The following SLC36A1 variants were observed in gnomAD, a reference collection of about 807,000 sequenced individuals.
SLC36A1 encodes the protein proton-coupled amino acid transporter 1.
A neutral mutation model predicts 47.5 loss-of-function variants in SLC36A1; 30 were observed. That is an observed-to-expected ratio of 0.63 (90% CI 0.47 to 0.86). SLC36A1 has a LOEUF of 0.86. Among genes scored for constraint, SLC36A1 ranks in the 40% least tolerant of loss-of-function variants. The pLI is 0.00. For synonymous variants in SLC36A1, 255 were observed against 249.7 expected (o/e 1.02, Z -0.20); for missense variants, 517 against 606.0 (o/e 0.85, Z 1.54).
chr5:151,512,640 C>T, the SLC36A1 span: 8 of 1,541,082 alleles, frequency 5.2e-6, no homozygotes, highest in African/African-American at 9.6e-5. The surrounding 1 kb of genome is among the most constrained non-coding windows in gnomAD (Gnocchi z 4.1). Context: ...ATCAGCAAAG[C>T]CAAGGAGTCC....
chr5:151,379,711 A>G, the SLC36A1 span, among the ~76,000 whole-genome samples: 1 of 152,192 alleles, frequency 6.6e-6, no homozygotes, highest in Non-Finnish European at 1.5e-5. Flanking sequence ...ACTTAACACA[A>G]TATACCCCAA....
chr5:151,540,454 T>C, the SLC36A1 span: 2 of 712,208 alleles, frequency 2.8e-6, no homozygotes, highest in Non-Finnish European at 4.5e-6. Context: ...CCTCACTCTC[T>C]GTTCTCCTGC....
the SLC36A1 span, chr5:151,526,093 A>T: frequency 1.1e-6 from 1 of 888,132 alleles, no homozygotes; most frequent in Non-Finnish European, 1.8e-6. Flanking sequence ...GTGCCTGGAC[A>T]TCAAGCTGCT....
chr5:151,545,871 A>G, the SLC36A1 span: 17 of 1,614,172 alleles, frequency 1.1e-5, no homozygotes, highest in East Asian at 3.8e-4. Context: ...GAGCATTGTC[A>G]TTTTCATCAA....
chr5:151,370,387 T>C, the SLC36A1 span, among the ~76,000 whole-genome samples: 1 of 151,650 alleles, frequency 6.6e-6, no homozygotes, highest in African/African-American at 2.4e-5. Flanking sequence ...GATACCACAT[T>C]AGAATTTCAT....
the SLC36A1 span, among the ~76,000 whole-genome samples, chr5:151,367,676 A>G: frequency 3.3e-5 from 5 of 152,336 alleles, no homozygotes; most frequent in Admixed American, 3.3e-4. Context: ...TTACAAAGAT[A>G]ACAGGATTAA....
At chr5:151,417,924 T>G in the SLC36A1 span, among the ~76,000 whole-genome samples, 1 of 152,246 alleles carries the variant, frequency 6.6e-6, no homozygotes, top group African/African-American at 2.4e-5. Flanking sequence ...AAAATGGTTT[T>G]GTGGGCCAGG....
At chr5:151,466,067 T>C (rs1445334165) in intron 5 of SLC36A1, among the ~76,000 whole-genome samples, 1 of 152,224 alleles carries the variant, frequency 6.6e-6, no homozygotes, top group East Asian at 1.9e-4. Context: ...TATATAGTTC[T>C]TTTGGCCAAA....
the SLC36A1 span, among the ~76,000 whole-genome samples, chr5:151,404,652 T>C: frequency 1.3e-5 from 2 of 152,222 alleles, no homozygotes; most frequent in African/African-American, 4.8e-5. Context: ...AATATTTTCT[T>C]TCTCCTTTGC....
the SLC36A1 span, among the ~76,000 whole-genome samples, chr5:151,536,061 G>A: frequency 1.2e-4 from 19 of 152,140 alleles, no homozygotes; most frequent in Non-Finnish European, 2.6e-4. Context: ...TAATTATATA[G>A]AGATTTTGGA....
the SLC36A1 span, among the ~76,000 whole-genome samples, chr5:151,525,226 G>A: frequency 6.6e-6 from 1 of 152,200 alleles, no homozygotes; most frequent in Non-Finnish European, 1.5e-5. Context: ...AATAAAGTGA[G>A]GGAGAGATAT....
chr5:151,477,834 G>A (rs567048317), intron 9 of SLC36A1, among the ~76,000 whole-genome samples: 1 of 152,272 alleles, frequency 6.6e-6, no homozygotes, highest in South Asian at 2.1e-4. Flanking sequence ...TAAATGGATC[G>A]GGAGCAACAG....
intron 8 of SLC36A1, among the ~76,000 whole-genome samples, 177 bp from the exon 9 acceptor site, chr5:151,476,413 T>A (rs963568008): frequency 6.6e-5 from 10 of 152,304 alleles, no homozygotes; most frequent in Admixed American, 3.3e-4. Context: ...GGCTGCAGAG[T>A]CCCTTCTAGT....
At chr5:151,502,216 G>A in the SLC36A1 span, among the ~76,000 whole-genome samples, 1 of 147,480 alleles carries the variant, frequency 6.8e-6, no homozygotes, top group African/African-American at 2.7e-5. Context: ...GGAGGCTGAG[G>A]TGGGAGAATT....
Position 151,479,581 on chromosome 5 carries a change from T to G in SLC36A1, c.1159+92T>G, listed in dbSNP as rs1027158186. 3.4e-6 allele frequency: 5 copies of G among 1,454,704 alleles called. No individual in the cohort carries two copies. The African/African-American group carries it at 7.0e-5, about 20-fold the overall frequency. 90.1% of individuals were successfully genotyped at this position (1,454,704 alleles called of 1,614,324 possible). ...TGAGAAAAGACAATGTGTGTTGTAG[T>G]GAAGCTGGCTATGTTTGTGACAGAG... is the stretch of plus-strand genomic sequence containing the variant. On this transcript the variant is annotated intron_variant, in intron 10 of 10. Transcript: ENST00000243389.
chr5:151,360,479 G>A, the SLC36A1 span, among the ~76,000 whole-genome samples: 1 of 152,054 alleles, frequency 6.6e-6, no homozygotes, highest in Non-Finnish European at 1.5e-5. Flanking sequence ...TGAGTAGGCT[G>A]AGGAGGAGGA....
the SLC36A1 span, among the ~76,000 whole-genome samples, chr5:151,539,752 A>G: frequency 6.6e-6 from 1 of 152,360 alleles, no homozygotes; most frequent in Non-Finnish European, 1.5e-5. Context: ...CATGACAGCA[A>G]TTGTTGGTTT....
chr5:151,439,273 C>A (rs1367240123), intron 1 of SLC36A1, among the ~76,000 whole-genome samples: 1 of 152,108 alleles, frequency 6.6e-6, no homozygotes, highest in Non-Finnish European at 1.5e-5. Context: ...GATTACAGTT[C>A]GAGATGAGAT....
the SLC36A1 span, among the ~76,000 whole-genome samples, chr5:151,358,944 G>A: frequency 1.5e-5 from 2 of 135,810 alleles, no homozygotes; most frequent in East Asian, 2.1e-4. Flanking sequence ...ACTGCAGTCC[G>A]CAGTCCGGCC....
Sources: allele counts gnomAD v4.1 joint callset (sites outside exome capture counted in the v4.1 genomes callset), GRCh38; gene constraint gnomAD v4.1.1; non-coding constraint Gnocchi (gnomAD v3.1); transcripts MANE v1.5; gene names NCBI Gene and HGNC (gene_info 2026-07-23, HGNC 2026-07-21).